PITHD1: variants seen among roughly 807,000 people sequenced by gnomAD.
The protein encoded by PITHD1 is PITH domain-containing protein 1.
In PITHD1, 8 loss-of-function variants were observed where a neutral mutation model predicts 27.5. That is an observed-to-expected ratio of 0.29 (90% CI 0.17 to 0.52). The LOEUF is 0.52. PITHD1 is among the 20% of genes least tolerant of loss of function. The pLI is 0.96. For missense variants in PITHD1, 233 were observed against 283.9 expected (o/e 0.82, Z 1.29); for synonymous variants, 118 against 106.8 (o/e 1.10, Z -0.64).
At chr1:23,779,975 TC>T in intron 3 of PITHD1, 34 bp downstream of exon 3, 2 of 1,313,458 alleles carry the variant, frequency 1.5e-6, no homozygotes, top group Non-Finnish European at 1.1e-6. Flanking sequence ...TCAAAGGAGC[TC>T]CTAATTCTCT....
chr1:23,785,650 A>ATTTTT (rs1638671582), intron 3 of PITHD1, 25 bp from the exon 4 acceptor site: 1 of 1,446,922 alleles, frequency 6.9e-7, no homozygotes. Context: ...ACATTTCTTG[A>ATTTTT]CTTTTCTTTC....
intron 1 of PITHD1, among the ~76,000 whole-genome samples, chr1:23,779,149 C>T (rs901946697): frequency 3.3e-5 from 5 of 152,180 alleles, no homozygotes; most frequent in Admixed American, 6.5e-5. Flanking sequence ...ACCTTCTTCT[C>T]AGAAAAATGC....
intron 2 of PITHD1, 99 bp downstream of exon 2, chr1:23,779,580 A>G: frequency 1.0e-6 from 1 of 957,124 alleles, no homozygotes; most frequent in East Asian, 2.4e-5. Context: ...ATTTGCTTCT[A>G]GAAATGGGAT....
chr1:23,787,168 T>G (rs1638697654), intron 5 of PITHD1, 107 bp from the exon 6 acceptor site: 1 of 635,946 alleles, frequency 1.6e-6, no homozygotes, highest in African/African-American at 1.8e-5. Context: ...AGATATTAAA[T>G]GATGACTCCT....
At position 23,785,132 on chromosome 1, in the gene PITHD1, G is replaced by A. The variant is rs1638664024; in HGVS notation, c.321-543G>A. The A allele has an allele frequency of 2.0e-5, 3 of 152,456 alleles. No homozygotes were observed. The South Asian group carries it at 6.2e-4, about 31-fold the overall frequency. 9.4% of individuals were successfully genotyped at this position (152,456 alleles called of 1,614,324 possible). A position where few individuals can be genotyped will look rare whatever the true frequency, so the allele number is the denominator to read the frequency against. On this transcript the variant is annotated intron_variant, in intron 3 of 5. Coordinates refer to ENST00000246151, the MANE Select transcript of PITHD1 (RefSeq NM_020362.5). The stretch of plus-strand genomic sequence containing the variant: ...TCTCTTTGTGTATTGCTTCTCATGT[G>A]ATATTAACCCACTCAAAGATGCCAT...
intron 3 of PITHD1, among the ~76,000 whole-genome samples, chr1:23,784,062 A>T (rs1035071626): frequency 1.3e-5 from 2 of 152,084 alleles, no homozygotes; most frequent in Admixed American, 6.6e-5. Flanking sequence ...CAGGTGCCCA[A>T]ATTTACTCAG....
rs1170430259 is a variant in PITHD1 at position 23,786,305 on chromosome 1, C to A, written c.426-10C>A. 8 of 1,264,754 alleles carry A rather than the reference C, an allele frequency of 6.3e-6. No individual in the cohort carries two copies. Among genetic ancestry groups the A allele is most frequent in the Admixed American group, 1.7e-5 (1 of 58,374 alleles). 78.3% of individuals were successfully genotyped at this position (1,264,754 alleles called of 1,614,324 possible). On this transcript the variant is annotated splice_polypyrimidine_tract_variant and intron_variant, in intron 4 of 5. Transcript: ENST00000246151. ...TCATACCTTCTTTCCCTATTCCTGT[C>A]ATCCTCTAGAATTTCTCGTTTTTCA...
At position 23,780,367 on chromosome 1, in the gene PITHD1, T is replaced by G. The variant is rs527726942; in HGVS notation, c.320+426T>G. 1.6e-4 allele frequency among the ~76,000 whole-genome samples: 24 copies of G among 152,322 alleles called. 1 individual carries two copies. The South Asian group carries it at 4.6e-3, about 29-fold the overall frequency. On this transcript the variant is annotated intron_variant, in intron 3 of 5. Transcript: ENST00000246151. ...TTGACATGGAATTGCTCCACCTGAC[T>G]TTGCGTGGCATTTAGTTAGCAAAGT...
At chr1:23,786,968 A>C (rs1483026147) in intron 5 of PITHD1, among the ~76,000 whole-genome samples, 1 of 152,102 alleles carries the variant, frequency 6.6e-6, no homozygotes, top group African/African-American at 2.4e-5. Flanking sequence ...AATCTTTTCT[A>C]TTCATGAACC....
chr1:23,783,869 G>A (rs1490380488), intron 3 of PITHD1, among the ~76,000 whole-genome samples: 1 of 152,226 alleles, frequency 6.6e-6, no homozygotes, highest in African/African-American at 2.4e-5. Flanking sequence ...TCGAAGATGA[G>A]TGAAAAGTAT....
At chr1:23,787,166 A>T in intron 5 of PITHD1, 109 bp from the exon 6 acceptor site, 1 of 629,226 alleles carries the variant, frequency 1.6e-6, no homozygotes, top group East Asian at 2.7e-5. Context: ...GGAGATATTA[A>T]ATGATGACTC....
At position 23,780,524 on chromosome 1, in the gene PITHD1, A is replaced by G. The variant is rs913046553; in HGVS notation, c.320+583A>G. Among the ~76,000 whole-genome samples the G allele has an allele frequency of 4.6e-5, 7 of 152,348 alleles. No homozygotes were observed. In the South Asian group the frequency reaches 1.4e-3, roughly 32 times the overall value. On this transcript the variant is annotated intron_variant, in intron 3 of 5. Transcript: ENST00000246151. Reference sequence around the variant, plus strand: ...TTTCTGAGTGCTGGAGAAACATATAAGAAGAACTTTACATTTAAAAAATTC... The same window carrying G: ...TTTCTGAGTGCTGGAGAAACATATAGGAAGAACTTTACATTTAAAAAATTC...
intron 3 of PITHD1, among the ~76,000 whole-genome samples, chr1:23,780,794 G>C (rs899530585): frequency 6.6e-6 from 1 of 151,926 alleles, no homozygotes; most frequent in African/African-American, 2.4e-5. Flanking sequence ...AGAATTGCTT[G>C]AACCTGGGAG....
intron 3 of PITHD1, among the ~76,000 whole-genome samples, chr1:23,784,007 A>G (rs771628730): frequency 2.6e-5 from 4 of 152,304 alleles, no homozygotes; most frequent in Non-Finnish European, 4.4e-5. Flanking sequence ...TGGAATATGT[A>G]CTATTACCAT....
At chr1:23,779,812 A>C in intron 2 of PITHD1, 52 bp from the exon 3 acceptor site, 1 of 1,352,000 alleles carries the variant, frequency 7.4e-7, no homozygotes, top group Non-Finnish European at 1.1e-6. Context: ...TCACACAACT[A>C]AACAGGTATT....
At chr1:23,782,604 A>T (rs1427874647) in intron 3 of PITHD1, among the ~76,000 whole-genome samples, 1 of 151,922 alleles carries the variant, frequency 6.6e-6, no homozygotes, top group East Asian at 1.9e-4. Context: ...TTAAAAAAAA[A>T]TTATTTATAT....
At chr1:23,783,316 C>CATATATATATACACATATATGTGT (rs1638630901) in intron 3 of PITHD1, among the ~76,000 whole-genome samples, 1 of 147,736 alleles carries the variant, frequency 6.8e-6, no homozygotes, top group African/African-American at 2.5e-5. Flanking sequence ...CATATATACG[C>CATATATATATACACATATATGTGT]ATATATATAT....
rs1294928711 is a variant in PITHD1, at chr1:23,787,929, G to A, written c.*553G>A. ...GTCTGTCACGCACATGTGTCCTGTG[G>A]TTATAGCTAGAAGGACAGGAGTCTC... On this transcript the variant is annotated 3_prime_UTR_variant, in exon 6 of 6. Transcript: ENST00000246151. 1.3e-5 allele frequency: 2 copies of A among 152,338 alleles called. No homozygotes were observed. Among genetic ancestry groups the A allele is most frequent in the Non-Finnish European group, 2.9e-5 (2 of 68,190 alleles). 9.4% of individuals were successfully genotyped at this position (152,338 alleles called of 1,614,324 possible).
rs1216287429 is a variant in PITHD1, at chr1:23,778,431, G to C, written c.-85G>C. The C allele has an allele frequency of 2.3e-5, 23 of 979,266 alleles. No individual in the cohort carries two copies. The highest frequency in any genetic ancestry group is 2.9e-5 in the Non-Finnish European group (22 of 759,788). 60.7% of individuals were successfully genotyped at this position (979,266 alleles called of 1,614,324 possible). ...CGCGGCGCGCTTAGTTGCCGGAGCTGAACGGCGCGGAGCTGGTCTGAGGCG... is the reference window on the plus strand; with the variant it reads ...CGCGGCGCGCTTAGTTGCCGGAGCTCAACGGCGCGGAGCTGGTCTGAGGCG... On this transcript the variant is annotated 5_prime_UTR_variant, in exon 1 of 6. Transcript: ENST00000246151.
Sources: allele counts gnomAD v4.1 joint callset (sites outside exome capture counted in the v4.1 genomes callset), GRCh38; gene constraint gnomAD v4.1.1; transcripts MANE v1.5; gene names NCBI Gene and HGNC (gene_info 2026-07-23, HGNC 2026-07-21).